Variants in WDPCP observed in about 807,000 individuals in gnomAD.
The protein encoded by WDPCP is WD repeat-containing and planar cell polarity effector protein fritz homolog.
WDPCP carries 71 observed loss-of-function variants against 93.1 expected under a neutral mutation model. The observed-to-expected ratio is 0.76, with a 90% CI of 0.63 to 0.93. The LOEUF (loss-of-function observed/expected upper bound fraction) is 0.93, where lower values mean the gene tolerates loss of function less well. WDPCP is among the 40% of genes least tolerant of loss of function. The probability of loss-of-function intolerance (pLI) is 0.00; values close to 1 mark genes in which losing one functional copy is unlikely to be tolerated. For missense variants in WDPCP, 844 were observed against 887.4 expected (o/e 0.95, Z 0.62); for synonymous variants, 315 against 315.0 (o/e 1.00, Z 0.00).
rs1201860659 is a variant in WDPCP, at chr2:63,662,664, A to AGC, written n.309-11827_309-11826insGC. Reference sequence around the variant, plus strand: ...CAGAGAGAGAGAGAGAGAGAGAGAGAGAGCTTATCTTTGCTCTGGAATTTA... The same window carrying AGC: ...CAGAGAGAGAGAGAGAGAGAGAGAGAGCGAGCTTATCTTTGCTCTGGAATTTA... On this transcript the variant is annotated intron_variant and non_coding_transcript_variant, in intron 2 of 4. Transcript: ENST00000467687. 4.7e-5 allele frequency among the ~76,000 whole-genome samples: 7 copies of AGC among 149,178 alleles called. No individual in the cohort carries two copies. In the South Asian group the frequency reaches 8.4e-4, roughly 18 times the overall value.
intron 1 of WDPCP, among the ~76,000 whole-genome samples, chr2:63,536,518 T>C (rs1442005955): frequency 6.6e-6 from 1 of 152,122 alleles, no homozygotes; most frequent in African/African-American, 2.4e-5. Context: ...CACCATGGAA[T>C]ACTATGCAGC....
intron 1 of WDPCP, among the ~76,000 whole-genome samples, chr2:63,531,481 A>G (rs567858670): frequency 3.5e-4 from 53 of 152,226 alleles, no homozygotes; most frequent in Non-Finnish European, 6.8e-4. Flanking sequence ...CCCCTCTAAG[A>G]TGAAGCTTCC....
At chr2:63,185,760 A>G (rs1314357048) in intron 14 of WDPCP, among the ~76,000 whole-genome samples, 2 of 152,114 alleles carry the variant, frequency 1.3e-5, no homozygotes, top group Non-Finnish European at 2.9e-5. Flanking sequence ...TTCATGCTTG[A>G]TCTTTGTTTA....
intron 13 of WDPCP, among the ~76,000 whole-genome samples, chr2:63,262,539 C>CAA (rs5831658): frequency 4.6e-5 from 6 of 130,068 alleles, no homozygotes; most frequent in South Asian, 4.9e-4. Flanking sequence ...CCATATAAGC[C>CAA]AAAAAAAAAA....
At chr2:63,539,533 A>C (rs1704554876) in intron 1 of WDPCP, among the ~76,000 whole-genome samples, 1 of 152,150 alleles carries the variant, frequency 6.6e-6, no homozygotes, top group South Asian at 2.1e-4. Flanking sequence ...CTGTCTCAAA[A>C]ATACAGAAAT....
At chr2:63,563,587 C>T (rs1170269481) in intron 1 of WDPCP, among the ~76,000 whole-genome samples, 1 of 151,862 alleles carries the variant, frequency 6.6e-6, no homozygotes, top group Non-Finnish European at 1.5e-5. Flanking sequence ...GCATATAGGC[C>T]TGCTTTTTGG....
chr2:63,684,214 T>A (rs995337993), intron 2 of WDPCP: 8 of 389,560 alleles, frequency 2.1e-5, no homozygotes, highest in Non-Finnish European at 3.9e-5. Context: ...ATAGGCCATA[T>A]GTTAGGTCAC....
At chr2:63,771,998 C>T (rs893516628) in intron 2 of WDPCP, among the ~76,000 whole-genome samples, 2 of 151,884 alleles carry the variant, frequency 1.3e-5, no homozygotes, top group South Asian at 2.1e-4. Flanking sequence ...AATAGTGCTG[C>T]GATGAACATA....
chr2:63,626,863 ATATC>A (rs1458862410), intron 3 of WDPCP, among the ~76,000 whole-genome samples: 1 of 152,118 alleles, frequency 6.6e-6, no homozygotes, highest in Non-Finnish European at 1.5e-5. Flanking sequence ...ATTAGGAAAA[ATATC>A]TAATGTAGAT....
chr2:63,413,241 C>T (rs774956362), intron 9 of WDPCP, among the ~76,000 whole-genome samples: 5 of 152,146 alleles, frequency 3.3e-5, no homozygotes, highest in East Asian at 1.9e-4. Flanking sequence ...AACTGATCTT[C>T]GACAAAGCAT....
chr2:63,210,850 G>A (rs1275529027), intron 14 of WDPCP, among the ~76,000 whole-genome samples: 2 of 152,234 alleles, frequency 1.3e-5, no homozygotes. Context: ...ACGGAGCCTT[G>A]CTCACTGCTA....
intron 1 of WDPCP, among the ~76,000 whole-genome samples, chr2:63,512,757 G>A (rs1702316177): frequency 6.6e-6 from 1 of 152,126 alleles, no homozygotes; most frequent in Non-Finnish European, 1.5e-5. Flanking sequence ...TGGGGGGCAA[G>A]GGGAGGGATA....
chr2:63,672,712 C>CT (rs927933697), intron 2 of WDPCP, among the ~76,000 whole-genome samples: 1 of 113,152 alleles, frequency 8.8e-6, no homozygotes, highest in African/African-American at 3.7e-5. Flanking sequence ...TCACTGAAGC[C>CT]TTTATTTTAT....
chr2:63,565,459 T>C (rs1367280495), intron 1 of WDPCP, among the ~76,000 whole-genome samples: 1 of 152,148 alleles, frequency 6.6e-6, no homozygotes, highest in Non-Finnish European at 1.5e-5. Flanking sequence ...ATATTTAAAC[T>C]CTATAGGATA....
chr2:63,581,996 A>G (rs1403725500), intron 1 of WDPCP, among the ~76,000 whole-genome samples: 2 of 145,428 alleles, frequency 1.4e-5, no homozygotes, highest in Non-Finnish European at 3.0e-5. Context: ...CCCTATCTTA[A>G]AAAAAAAAAA....
intron 3 of WDPCP, chr2:63,605,768 A>C: frequency 3.2e-6 from 2 of 633,316 alleles, no homozygotes; most frequent in South Asian, 3.8e-5. Flanking sequence ...GGAATGAAAT[A>C]ATATCCATGA....
intron 10 of WDPCP, among the ~76,000 whole-genome samples, chr2:63,398,735 A>C (rs529201782): frequency 1.3e-5 from 2 of 151,492 alleles, no homozygotes; most frequent in East Asian, 1.9e-4. Flanking sequence ...TTTCATGTCA[A>C]ATTTTCCAAA....
At chr2:63,535,571 T>C (rs1374679282) in intron 1 of WDPCP, among the ~76,000 whole-genome samples, 8 of 152,150 alleles carry the variant, frequency 5.3e-5, no homozygotes, top group Admixed American at 1.3e-4. Context: ...TCTACAACCA[T>C]CTGATCTCTG....
chr2:63,397,270 T>C (rs1693807782), intron 10 of WDPCP, among the ~76,000 whole-genome samples: 1 of 152,172 alleles, frequency 6.6e-6, no homozygotes. Flanking sequence ...GGGAGGATTC[T>C]AGAACGACTT....
Sources: allele counts gnomAD v4.1 joint callset (sites outside exome capture counted in the v4.1 genomes callset), GRCh38; gene constraint gnomAD v4.1.1; transcripts MANE v1.5; gene names NCBI Gene and HGNC (gene_info 2026-07-23, HGNC 2026-07-21).